CEND1: variants seen among roughly 807,000 people sequenced by gnomAD.
CEND1 encodes cell cycle exit and neuronal differentiation 1.
CEND1 carries 1 observed loss-of-function variant against 4.4 expected under a neutral mutation model. The ratio of observed to expected loss-of-function variants is 0.23; its 90% CI spans 0.08 to 1.09. CEND1 has a LOEUF of 1.09. Among genes scored for constraint, CEND1 ranks in the 50% least tolerant of loss-of-function variants. CEND1 has a pLI of 0.55. For missense variants in CEND1, 213 were observed against 201.2 expected, an observed-to-expected ratio of 1.06 and a Z score of -0.35; for synonymous variants, 109 against 93.0, an observed-to-expected ratio of 1.17 and a Z score of -0.99.
chr11:787,945 A>G lies in CEND1; in HGVS notation c.*182T>C, dbSNP rs904109577. The stretch of plus-strand genomic sequence containing the variant: ...GCTCTTTCTGCCCTGGAGGTTGGGG[A>G]AGTCCTGGGTCAGCAGGGGTGGGCT... On this transcript the variant is annotated 3_prime_UTR_variant, in exon 2 of 2. Coordinates refer to ENST00000330106, the MANE Select transcript of CEND1 (RefSeq NM_016564.4). 2.1e-5 allele frequency: 9 copies of G among 436,962 alleles called. No individual in the cohort carries two copies. Among genetic ancestry groups the G allele is most frequent in the East Asian group, 3.5e-5 (1 of 28,508 alleles). 27.1% of individuals were successfully genotyped at this position (436,962 alleles called of 1,614,324 possible). A position where few individuals can be genotyped will look rare whatever the true frequency, so the allele number is the denominator to read the frequency against.
In CEND1 at chr11:788,535, G is replaced by A. The variant is rs1864390875; in HGVS notation, c.42C>T (p.Asp14=). 1 of 1,524,416 alleles carries A rather than the reference G, an allele frequency of 6.6e-7. No homozygotes were observed. The highest frequency in any genetic ancestry group is 8.8e-7 in the Non-Finnish European group (1 of 1,137,068). The allele number at this position is 1,524,416 out of a possible 1,614,324, so 94.4% of individuals were successfully genotyped here. Residue 14 remains aspartate (D), a synonymous_variant, in exon 2 of 2, where the codon GAC becomes GAT. Coordinates refer to ENST00000330106, the MANE Select transcript of CEND1 (RefSeq NM_016564.4). ...RGKSASSPKP[D]TKVPQVTTEA... is the part of the protein sequence containing the mutation. ...CGGTGGTGACCTGGGGCACCTTGGT[G>A]TCGGGCTTGGGGCTGCTGGCTGACT...
At chr11:789,523 G>C (rs1864413760) in intron 1 of CEND1, among the ~76,000 whole-genome samples, 1 of 152,214 alleles carries the variant, frequency 6.6e-6, no homozygotes, top group South Asian at 2.1e-4. Context: ...GAGGTGGGAA[G>C]GGCCCTGGGG....
At position 787,121 on chromosome 11, in the gene CEND1, C is replaced by A. The variant is rs536211236; in HGVS notation, c.*1006G>T. The A allele has an allele frequency of 6.6e-6, 1 of 152,308 alleles. No homozygotes were observed. The allele number at this position is 152,308 out of a possible 1,614,324, so 9.4% of individuals were successfully genotyped here. A position where few individuals can be genotyped will look rare whatever the true frequency, so the allele number is the denominator to read the frequency against. Reference sequence around the variant, plus strand: ...TGAGGATGCAAGAGCAGCCTTCAGACGACAGAGTTTATTTCAGACTCAGCC... The same window carrying A: ...TGAGGATGCAAGAGCAGCCTTCAGAAGACAGAGTTTATTTCAGACTCAGCC... On this transcript the variant is annotated 3_prime_UTR_variant, in exon 2 of 2. Transcript: ENST00000330106.
rs1408216717 is a variant in CEND1 at position 788,228 on chromosome 11, A to G, written c.349T>C (p.Trp117Arg). ...ASGGPGGRGP[W>R]SCENFNPLLV... The stretch of plus-strand genomic sequence containing the variant: ...AGGGGGTTGAAGTTCTCACAGGACC[A>G]GGGACCTCGGCCCCCAGGCCCCCCA... Residue 117 changes from tryptophan (W) to arginine (R), a missense_variant, in exon 2 of 2, where the codon TGG becomes CGG. Transcript: ENST00000330106. 1 of 1,609,404 alleles carries G rather than the reference A, an allele frequency of 6.2e-7. No homozygotes were observed. Among genetic ancestry groups the G allele is most frequent in the African/African-American group, 1.3e-5 (1 of 74,452 alleles).
rs78077517 is a variant in CEND1, at chr11:787,176, C to G, written c.*951G>C. 6.6e-6 allele frequency: 1 copy of G among 152,450 alleles called. No homozygotes were observed. Among genetic ancestry groups the G allele is most frequent in the East Asian group, 1.9e-4 (1 of 5,198 alleles). 9.4% of individuals were successfully genotyped at this position (152,450 alleles called of 1,614,324 possible). ...CTCAGGCCCGGGGTTCCTGTGGCCA[C>G]TGGCCAGTGAGGGCAGGCCACGTTC... On this transcript the variant is annotated 3_prime_UTR_variant, in exon 2 of 2. Transcript: ENST00000330106.
chr11:788,438 C>T lies in CEND1; in HGVS notation c.139G>A (p.Glu47Lys), dbSNP rs925270559. ...TKPSKKEAPA[E>K]KQQPPAAPTT... ...GGGGCTGCTGGCGGCTGCTGCTTCT[C>T]GGCCGGGGCCTCCTTCTTCGAGGGC... The change falls in exon 2 of 2, where the codon GAG becomes AAG. Residue 47 changes from glutamate (E) to lysine (K), a missense_variant. Physicochemically the swap from Glu to Lys is moderately conservative, Grantham distance 56 (BLOSUM62 1). Coordinates refer to ENST00000330106, the MANE Select transcript of CEND1 (RefSeq NM_016564.4). 13 of 1,577,978 alleles carry T rather than the reference C, an allele frequency of 8.2e-6. No homozygotes were observed. Among genetic ancestry groups the T allele is most frequent in the Admixed American group, 3.6e-5 (2 of 55,108 alleles).
chr11:788,638 G>A lies in CEND1; in HGVS notation c.-62C>T, dbSNP rs1220631998. The A allele has an allele frequency of 2.0e-5, 28 of 1,434,964 alleles. No individual in the cohort carries two copies. Among genetic ancestry groups the A allele is most frequent in the East Asian group, 4.7e-5 (2 of 42,940 alleles). 88.9% of individuals were successfully genotyped at this position (1,434,964 alleles called of 1,614,324 possible). The stretch of plus-strand genomic sequence containing the variant: ...CCAGAGGGGCTCAGGACAGTTTGTC[G>A]CCCCTGGGCATTCTATGGGCCTGGA... On this transcript the variant is annotated 5_prime_UTR_variant, in exon 2 of 2. Transcript: ENST00000330106.
At chr11:789,574 C>G (rs1864415017) in intron 1 of CEND1, among the ~76,000 whole-genome samples, 1 of 152,162 alleles carries the variant, frequency 6.6e-6, no homozygotes, top group Non-Finnish European at 1.5e-5. Flanking sequence ...GCCCCAAAGC[C>G]CCAGAGGCCG....
Position 788,260 on chromosome 11 carries a change from G to A in CEND1, c.317C>T (p.Ala106Val), listed in dbSNP as rs1342230247. 6.2e-7 allele frequency: 1 copy of A among 1,612,136 alleles called. No homozygotes were observed. Among genetic ancestry groups the A allele is most frequent in the South Asian group, 1.1e-5 (1 of 90,954 alleles). ...GPGDGAEEDE[A>V]ASGGPGGRGP... is the part of the protein sequence containing the mutation. The stretch of plus-strand genomic sequence containing the variant: ...TCGGCCCCCAGGCCCCCCACTGGCA[G>A]CCTCATCTTCCTCCGCCCCGTCCCC... Residue 106 changes from alanine (A) to valine (V), a missense_variant, in exon 2 of 2, where the codon GCT (alanine) becomes GTT (valine). Physicochemically the swap from Ala to Val is moderately conservative, Grantham distance 64 (BLOSUM62 0). Coordinates refer to ENST00000330106, the MANE Select transcript of CEND1 (RefSeq NM_016564.4).
chr11:788,187 AC>A lies in CEND1; in HGVS notation c.389del (p.Gly130ValfsTer7). 2 of 1,593,236 alleles carry A rather than the reference AC, an allele frequency of 1.3e-6. No individual in the cohort carries two copies. ...ENFNPLLVAG[G>X]VAVAAIALIL... is the part of the protein sequence containing the mutation. Reference sequence around the variant, plus strand: ...TCAGGGCTATGGCTGCCACGGCCACACCCCCAGCCACCAGCAGGGGGTTGAA... The same window carrying A: ...TCAGGGCTATGGCTGCCACGGCCACACCCCAGCCACCAGCAGGGGGTTGAA... On this transcript the variant is annotated frameshift_variant, in exon 2 of 2. Transcript: ENST00000330106. LOFTEE classifies it high-confidence loss of function.
Position 787,954 on chromosome 11 carries a change from GT to G in CEND1, c.*172del. Reference sequence around the variant, plus strand: ...GCCCTGGAGGTTGGGGAAGTCCTGGGTCAGCAGGGGTGGGCTCGGGCGTCCT... The same window carrying G: ...GCCCTGGAGGTTGGGGAAGTCCTGGGCAGCAGGGGTGGGCTCGGGCGTCCT... On this transcript the variant is annotated 3_prime_UTR_variant, in exon 2 of 2. Coordinates refer to ENST00000330106, the MANE Select transcript of CEND1 (RefSeq NM_016564.4). 2.1e-6 allele frequency: 1 copy of G among 472,548 alleles called. No individual in the cohort carries two copies. The allele number at this position is 472,548 out of a possible 1,614,324, so 29.3% of individuals were successfully genotyped here. A position where few individuals can be genotyped will look rare whatever the true frequency, so the allele number is the denominator to read the frequency against.
intron 1 of CEND1, among the ~76,000 whole-genome samples, 173 bp downstream of exon 1, chr11:789,857 G>A (rs1203210278): frequency 2.6e-5 from 4 of 152,176 alleles, no homozygotes; most frequent in Admixed American, 2.0e-4. Context: ...CTCGCTATTT[G>A]TGGCACTTAC....
At chr11:789,957 G>A (rs1350040625) in intron 1 of CEND1, 73 bp downstream of exon 1, 1 of 152,962 alleles carries the variant, frequency 6.5e-6, no homozygotes, top group East Asian at 1.9e-4. Context: ...TCAAGGCCCG[G>A]AGCCGCCTCC....
At position 789,513 on chromosome 11, in the gene CEND1, G is replaced by A. The variant is rs540943879; in HGVS notation, c.-83+517C>T. Reference sequence around the variant, plus strand: ...GCCCAGATTCTCAATGACCGAGGCAGAGGTGGGAAGGGCCCTGGGGGCCCA... The same window carrying A: ...GCCCAGATTCTCAATGACCGAGGCAAAGGTGGGAAGGGCCCTGGGGGCCCA... On this transcript the variant is annotated intron_variant, in intron 1 of 1. Coordinates refer to ENST00000330106, the MANE Select transcript of CEND1 (RefSeq NM_016564.4). Among the ~76,000 whole-genome samples the A allele has an allele frequency of 2.2e-4, 34 of 152,320 alleles. 1 individual carries two copies. In the South Asian group the frequency reaches 6.8e-3, roughly 31 times the overall value.
In CEND1 at chr11:787,963, G is replaced by C. The variant is rs375032448; in HGVS notation, c.*164C>G. 1 of 494,954 alleles carries C rather than the reference G, an allele frequency of 2.0e-6. No individual in the cohort carries two copies. The highest frequency in any genetic ancestry group is 2.0e-5 in the African/African-American group (1 of 50,986). 30.7% of individuals were successfully genotyped at this position (494,954 alleles called of 1,614,324 possible). A position where few individuals can be genotyped will look rare whatever the true frequency, so the allele number is the denominator to read the frequency against. The stretch of plus-strand genomic sequence containing the variant: ...GTTGGGGAAGTCCTGGGTCAGCAGG[G>C]GTGGGCTCGGGCGTCCTCTTCACCG... On this transcript the variant is annotated 3_prime_UTR_variant, in exon 2 of 2. Coordinates refer to ENST00000330106, the MANE Select transcript of CEND1 (RefSeq NM_016564.4).
rs1864378917 is a variant in CEND1, at chr11:787,902, G to T, written c.*225C>A. The stretch of plus-strand genomic sequence containing the variant: ...GTGCCCTCGCCCCACATCCTGTGCT[G>T]TGGACCCCGGAGCCTGGGCTCTTTC... On this transcript the variant is annotated 3_prime_UTR_variant, in exon 2 of 2. Coordinates refer to ENST00000330106, the MANE Select transcript of CEND1 (RefSeq NM_016564.4). 1.0e-5 allele frequency: 4 copies of T among 382,958 alleles called. No individual in the cohort carries two copies. The highest frequency in any genetic ancestry group is 1.9e-5 in the Non-Finnish European group (4 of 215,748). 23.7% of individuals were successfully genotyped at this position (382,958 alleles called of 1,614,324 possible). A position where few individuals can be genotyped will look rare whatever the true frequency, so the allele number is the denominator to read the frequency against.
At chr11:789,769 C>T (rs1429886469) in intron 1 of CEND1, among the ~76,000 whole-genome samples, 1 of 152,134 alleles carries the variant, frequency 6.6e-6, no homozygotes, top group Non-Finnish European at 1.5e-5. Flanking sequence ...CCCAGCCGTC[C>T]CTTCACCCCT....
Position 788,116 on chromosome 11 carries a change from G to A in CEND1, c.*11C>T, listed in dbSNP as rs1864381609. Reference sequence around the variant, plus strand: ...GAAGTGGCTCCGTGCCCCCCGCCTGGCCCCCAGGTATTATTTTTTCCGGAC... The same window carrying A: ...GAAGTGGCTCCGTGCCCCCCGCCTGACCCCCAGGTATTATTTTTTCCGGAC... On this transcript the variant is annotated 3_prime_UTR_variant, in exon 2 of 2. Transcript: ENST00000330106. The A allele has an allele frequency of 6.5e-7, 1 of 1,526,752 alleles. No individual in the cohort carries two copies. Among genetic ancestry groups the A allele is most frequent in the Non-Finnish European group, 8.7e-7 (1 of 1,144,446 alleles). 94.6% of individuals were successfully genotyped at this position (1,526,752 alleles called of 1,614,324 possible). A position where few individuals can be genotyped will look rare whatever the true frequency, so the allele number is the denominator to read the frequency against.
rs553873774 is a variant in CEND1, at chr11:788,714, C to T, written c.-82-56G>A. On this transcript the variant is annotated intron_variant, in intron 1 of 1. Coordinates refer to ENST00000330106, the MANE Select transcript of CEND1 (RefSeq NM_016564.4). ...GGGTCCAGTCCCCCCTGTGCTGCCCCGACCACCTGGTCCCCAGGCAGCCCC... is the reference window on the plus strand; with the variant it reads ...GGGTCCAGTCCCCCCTGTGCTGCCCTGACCACCTGGTCCCCAGGCAGCCCC... The T allele has an allele frequency of 3.9e-5, 29 of 741,120 alleles. No homozygotes were observed. The East Asian group carries it at 7.9e-4, about 20-fold the overall frequency. The allele number at this position is 741,120 out of a possible 1,614,324, so 45.9% of individuals were successfully genotyped here. A position where few individuals can be genotyped will look rare whatever the true frequency, so the allele number is the denominator to read the frequency against.
Sources: gnomAD v4.1 joint callset for allele counts (sites outside exome capture counted in the v4.1 genomes callset) on GRCh38, gnomAD v4.1.1 for gene constraint, MANE v1.5 for transcripts, NCBI Gene and HGNC (gene_info 2026-07-23, HGNC 2026-07-21) for gene names.